Variants in DOP1B observed in about 807,000 individuals in gnomAD.
DOP1B encodes DOP1 leucine zipper like protein B, also known as protein DOP1B.
A neutral mutation model predicts 233.5 loss-of-function variants in DOP1B; 174 were observed. That is an observed-to-expected ratio of 0.75 (90% CI 0.66 to 0.85). The LOEUF (loss-of-function observed/expected upper bound fraction) is 0.85, where lower values mean the gene tolerates loss of function less well. DOP1B is among the 40% of genes least tolerant of loss of function. The pLI, the probability that DOP1B is intolerant of heterozygous loss-of-function variation, is 0.00. For missense variants in DOP1B, 2,652 were observed against 2,846.6 expected, an observed-to-expected ratio of 0.93 and a Z score of 1.56; for synonymous variants, 1,190 against 1,185.6, an observed-to-expected ratio of 1.00 and a Z score of -0.08.
chr21:36,198,996 C>T, intron 2 of DOP1B, 74 bp from the exon 3 acceptor site: 7 of 1,496,498 alleles, frequency 4.7e-6, no homozygotes, highest in Non-Finnish European at 6.3e-6. Flanking sequence ...GTCTCTCTGG[C>T]TTCAGCAGAT....
chr21:36,206,119 T>C (rs2066422573), intron 4 of DOP1B, among the ~76,000 whole-genome samples: 1 of 152,236 alleles, frequency 6.6e-6, no homozygotes, highest in Admixed American at 6.5e-5. Flanking sequence ...TATTTCGTTT[T>C]TAACCCCGTT....
intron 14 of DOP1B, among the ~76,000 whole-genome samples, chr21:36,232,525 G>C (rs1452266742): frequency 6.6e-6 from 1 of 152,158 alleles, no homozygotes; most frequent in South Asian, 2.1e-4. Context: ...TCTTCACAGG[G>C]TGTCCTCTGT....
At chr21:36,227,410 G>A (rs932766245) in intron 12 of DOP1B, among the ~76,000 whole-genome samples, 67 of 151,316 alleles carry the variant, frequency 4.4e-4, no homozygotes, top group African/African-American at 9.5e-4. Context: ...AGCCGGGCGT[G>A]GTGGTGGGCA....
intron 1 of DOP1B, among the ~76,000 whole-genome samples, chr21:36,164,077 T>G (rs1446294515): frequency 1.3e-5 from 2 of 152,140 alleles, no homozygotes; most frequent in Non-Finnish European, 2.9e-5. Flanking sequence ...AGTCTGGGAA[T>G]TACAGTGTTA....
chr21:36,221,628 G>A (rs1014638881), intron 10 of DOP1B, among the ~76,000 whole-genome samples: 1 of 152,012 alleles, frequency 6.6e-6, no homozygotes, highest in African/African-American at 2.4e-5. Flanking sequence ...CCAGGCTGGA[G>A]TGCAGTGATG....
Position 36,208,846 on chromosome 21 carries a change from A to C in DOP1B, c.623A>C (p.Asn208Thr). 6.3e-7 allele frequency: 1 copy of C among 1,591,110 alleles called. No homozygotes were observed. The highest frequency in any genetic ancestry group is 2.3e-5 in the East Asian group (1 of 43,736). ...PASVFVVGHINRDAPGREQKY... is the reference protein window; with the variant it reads ...PASVFVVGHITRDAPGREQKY... ...TCAGTCTTCGTGGTGGGCCACATCA[A>C]CAGGGATGCCCCCGGCCGGGAGCAG... Residue 208 changes from asparagine to threonine, a missense_variant, in exon 5 of 37, where the codon AAC (asparagine) becomes ACC (threonine). Asn to Thr is a moderately conservative substitution (Grantham distance 65, BLOSUM62 0). This residue lies in a region of DOP1B where 2,617 missense variants were observed against 2,794.3 expected (regional missense o/e 0.94). Transcript: ENST00000691173.
chr21:36,176,428 A>T (rs892084453), intron 2 of DOP1B, among the ~76,000 whole-genome samples: 1 of 152,112 alleles, frequency 6.6e-6, no homozygotes, highest in Non-Finnish European at 1.5e-5. Flanking sequence ...TTCAGCCTGC[A>T]GGGTGCCTGG....
At chr21:36,285,365 A>G (rs2067470220) in intron 32 of DOP1B, among the ~76,000 whole-genome samples, 1 of 152,096 alleles carries the variant, frequency 6.6e-6, no homozygotes, top group African/African-American at 2.4e-5. Flanking sequence ...TGGCCGGGAA[A>G]AAGAATTTCT....
In DOP1B at chr21:36,239,799, A is replaced by G; in HGVS notation, c.2911A>G (p.Thr971Ala). ...TGTCGTGCTGGACAGCCTGGCCTGC[A>G]CGGATGGTGCCATCGGTGCGGCAGC... ...LFVVLDSLAC[T>A]DGAIGAAAQG... Residue 971 changes from threonine to alanine, a missense_variant, in exon 18 of 37, where the codon ACG becomes GCG. This residue lies in a region of DOP1B where 2,617 missense variants were observed against 2,794.3 expected (regional missense o/e 0.94). Transcript: ENST00000691173. 1 of 1,557,932 alleles carries G rather than the reference A, an allele frequency of 6.4e-7. No homozygotes were observed. Among genetic ancestry groups the G allele is most frequent in the Non-Finnish European group, 8.7e-7 (1 of 1,151,688 alleles).
chr21:36,221,885 G>T (rs563492356), intron 10 of DOP1B, among the ~76,000 whole-genome samples: 1 of 152,172 alleles, frequency 6.6e-6, no homozygotes, highest in South Asian at 2.1e-4. Flanking sequence ...CTGTTTGTTT[G>T]TTTTTGAGAC....
intron 26 of DOP1B, among the ~76,000 whole-genome samples, chr21:36,265,955 A>G (rs1316158656): frequency 6.6e-6 from 1 of 151,912 alleles, no homozygotes; most frequent in Non-Finnish European, 1.5e-5. Flanking sequence ...CAATTCTGGC[A>G]TTCCCCACCT....
At chr21:36,169,536 T>C (rs1296647811) in intron 2 of DOP1B, 31 of 1,122,610 alleles carry the variant, frequency 2.8e-5, no homozygotes, top group Admixed American at 1.8e-5. Flanking sequence ...ATGTCGATCA[T>C]CTCGTCCAGC....
At chr21:36,284,358 C>T (rs2067458001) in intron 32 of DOP1B, among the ~76,000 whole-genome samples, 3 of 145,490 alleles carry the variant, frequency 2.1e-5, no homozygotes, top group South Asian at 4.3e-4. Context: ...GCAATCTCTG[C>T]CTCCCGGGTT....
At chr21:36,181,348 G>C (rs1053286949) in intron 2 of DOP1B, among the ~76,000 whole-genome samples, 4 of 151,458 alleles carry the variant, frequency 2.6e-5, no homozygotes, top group Non-Finnish European at 5.9e-5. Context: ...GCACGATCTT[G>C]GCTCACTGCA....
chr21:36,187,497 A>G (rs1476314309), intron 2 of DOP1B, among the ~76,000 whole-genome samples: 1 of 152,032 alleles, frequency 6.6e-6, no homozygotes, highest in East Asian at 1.9e-4. Flanking sequence ...GGGTTTCACT[A>G]TGTTGGCTAG....
chr21:36,203,308 C>A (rs2066390961), intron 4 of DOP1B, among the ~76,000 whole-genome samples: 1 of 152,188 alleles, frequency 6.6e-6, no homozygotes, highest in African/African-American at 2.4e-5. Flanking sequence ...ACAATAATCT[C>A]TGAGCCAGTG....
intron 24 of DOP1B, among the ~76,000 whole-genome samples, chr21:36,262,195 G>A (rs1004208705): frequency 9.9e-4 from 151 of 152,292 alleles, no homozygotes; most frequent in African/African-American, 3.5e-3. Flanking sequence ...TTAAAGATGA[G>A]CCGGTCACTT....
intron 4 of DOP1B, among the ~76,000 whole-genome samples, chr21:36,204,386 A>G (rs1318993455): frequency 1.3e-5 from 2 of 152,178 alleles, no homozygotes; most frequent in African/African-American, 2.4e-5. Context: ...AGAGTTACCC[A>G]CAGCGTCACC....
chr21:36,247,878 A>G (rs1397149184), intron 20 of DOP1B, among the ~76,000 whole-genome samples: 2 of 152,268 alleles, frequency 1.3e-5, no homozygotes, highest in African/African-American at 2.4e-5. Flanking sequence ...GCAAATGCAT[A>G]AGTATGTATG....
Sources: gnomAD v4.1 joint callset for allele counts (sites outside exome capture counted in the v4.1 genomes callset) on GRCh38, gnomAD v4.1.1 for gene constraint, gnomAD v4.1.1 regional missense constraint, MANE v1.5 for transcripts, NCBI Gene and HGNC (gene_info 2026-07-23, HGNC 2026-07-21) for gene names.